AUTS2: variants seen among roughly 807,000 people sequenced by gnomAD.
The protein encoded by AUTS2 is autism susceptibility gene 2 protein.
Under a neutral mutation model 112.4 loss-of-function variants are expected in AUTS2, and 17 were observed. The ratio of observed to expected loss-of-function variants is 0.15; its 90% CI spans 0.10 to 0.23. The LOEUF (loss-of-function observed/expected upper bound fraction) is 0.23. AUTS2 is among the 10% of genes least tolerant of loss of function. The pLI is 1.00. For missense variants in AUTS2, 1,510 were observed against 1,701.6 expected (o/e 0.89, Z 1.98); for synonymous variants, 751 against 702.7 (o/e 1.07, Z -1.09).
chr7:70,665,330 C>T (rs989240308), intron 5 of AUTS2, among the ~76,000 whole-genome samples: 1 of 152,018 alleles, frequency 6.6e-6, no homozygotes, highest in Non-Finnish European at 1.5e-5. Flanking sequence ...GTGGTGTGAT[C>T]ATGGCTCACT....
At chr7:70,100,419 C>T (rs555348625) in intron 2 of AUTS2, among the ~76,000 whole-genome samples, 4 of 151,338 alleles carry the variant, frequency 2.6e-5, no homozygotes, top group Non-Finnish European at 4.4e-5. Flanking sequence ...AAAGCTATAA[C>T]GGTTGTACCA....
chr7:69,876,380 A>ATATG (rs1379313400), intron 1 of AUTS2, among the ~76,000 whole-genome samples: 1 of 112,108 alleles, frequency 8.9e-6, no homozygotes, highest in East Asian at 2.5e-4. Flanking sequence ...ATATATATAT[A>ATATG]TATGTATATA....
intron 2 of AUTS2, among the ~76,000 whole-genome samples, chr7:70,077,676 T>C (rs994038913): frequency 6.6e-6 from 1 of 152,232 alleles, no homozygotes; most frequent in Non-Finnish European, 1.5e-5. Flanking sequence ...GTGATGTAGA[T>C]GGAACGGCTC....
chr7:69,754,990 G>A lies in AUTS2; in HGVS notation c.310-144296G>A, dbSNP rs370044669. On this transcript the variant is annotated intron_variant, in intron 1 of 18. Transcript: ENST00000342771. Reference sequence around the variant, plus strand: ...TTGCATTAGCAAATAACTTTGTAAGGACTAGTCTGTTAATAGTGATCTCTT... The same window carrying A: ...TTGCATTAGCAAATAACTTTGTAAGAACTAGTCTGTTAATAGTGATCTCTT... 1.1e-3 allele frequency among the ~76,000 whole-genome samples: 168 copies of A among 152,306 alleles called. 5 individuals carry two copies. The highest frequency in any genetic ancestry group is 0.01 in the South Asian group (49 of 4,820).
At chr7:70,524,491 G>A (rs551484299) in intron 5 of AUTS2, among the ~76,000 whole-genome samples, 2 of 152,184 alleles carry the variant, frequency 1.3e-5, no homozygotes, top group African/African-American at 4.8e-5. Context: ...ATTAACTGGT[G>A]GAAGAGCTCT....
intron 1 of AUTS2, among the ~76,000 whole-genome samples, chr7:69,674,156 T>A (rs1796455589): frequency 6.6e-6 from 1 of 152,224 alleles, no homozygotes; most frequent in African/African-American, 2.4e-5. Flanking sequence ...AGTGCCATTT[T>A]GTCTCCCTGA....
intron 6 of AUTS2, among the ~76,000 whole-genome samples, chr7:70,753,903 TC>T (rs953242492): frequency 5.3e-5 from 8 of 152,038 alleles, no homozygotes; most frequent in Non-Finnish European, 1.0e-4. Context: ...ACGCCTGTAA[TC>T]CCCGCACTTT....
rs1360953670 is a variant in AUTS2, at chr7:70,698,586, T to A, written c.708T>A (p.Ser236=). ...DQEEKASDAS[S]EKLFNTVIVN... is the part of the protein sequence containing the mutation. ...TTTTTCAGGCATCAGATGCCAGCTCTGAAAAACTCTTCAACACTGTTATTG... is the reference window on the plus strand; with the variant it reads ...TTTTTCAGGCATCAGATGCCAGCTCAGAAAAACTCTTCAACACTGTTATTG... The change falls in exon 6 of 19, where the codon TCT becomes TCA. Residue 236 remains serine (S), a synonymous_variant. Transcript: ENST00000342771. 4 of 1,607,458 alleles carry A rather than the reference T, an allele frequency of 2.5e-6. No individual in the cohort carries two copies. The highest frequency in any genetic ancestry group is 3.4e-6 in the Non-Finnish European group (4 of 1,177,078).
intron 4 of AUTS2, among the ~76,000 whole-genome samples, chr7:70,162,758 C>T (rs1344679846): frequency 1.3e-5 from 2 of 152,042 alleles, no homozygotes; most frequent in Admixed American, 6.5e-5. Flanking sequence ...GAAAAATGTA[C>T]GAAGAAAATG....
intron 4 of AUTS2, among the ~76,000 whole-genome samples, chr7:70,207,027 A>C (rs979875427): frequency 1.3e-5 from 2 of 152,258 alleles, no homozygotes; most frequent in Non-Finnish European, 2.9e-5. Context: ...AGCTAGAAGA[A>C]TACAGTAATT....
chr7:70,522,713 C>T (rs1338203732), intron 5 of AUTS2, among the ~76,000 whole-genome samples: 2 of 152,194 alleles, frequency 1.3e-5, no homozygotes, highest in African/African-American at 2.4e-5. Flanking sequence ...TGTTGATGGG[C>T]ACCTAGGTTG....
chr7:70,138,079 AC>A (rs1342052954), intron 4 of AUTS2, among the ~76,000 whole-genome samples: 5 of 152,170 alleles, frequency 3.3e-5, no homozygotes, highest in African/African-American at 1.2e-4. Flanking sequence ...AGTTAAAGTT[AC>A]TTGTGTATTT....
chr7:70,560,611 T>C (rs748811879), intron 5 of AUTS2, among the ~76,000 whole-genome samples: 16 of 152,242 alleles, frequency 1.1e-4, no homozygotes, highest in Non-Finnish European at 2.2e-4. Flanking sequence ...TACACTTAGG[T>C]GCCAACTAGA....
chr7:70,602,317 G>A (rs140160500), intron 5 of AUTS2, among the ~76,000 whole-genome samples: 1 of 152,180 alleles, frequency 6.6e-6, no homozygotes, highest in East Asian at 1.9e-4. Context: ...AAGTGACTTG[G>A]CTAATGTCAC....
At chr7:70,126,518 T>G (rs990784239) in intron 3 of AUTS2, among the ~76,000 whole-genome samples, 1 of 152,144 alleles carries the variant, frequency 6.6e-6, no homozygotes, top group Non-Finnish European at 1.5e-5. Flanking sequence ...ATTGTCCACA[T>G]CAAGGAGACA....
At chr7:69,666,322 G>T (rs1373343401) in intron 1 of AUTS2, among the ~76,000 whole-genome samples, 8 of 152,132 alleles carry the variant, frequency 5.3e-5, no homozygotes, top group Admixed American at 3.9e-4. Context: ...TTAGGTAAGA[G>T]AACTATTGCC....
At chr7:70,763,731 T>C (rs1789724326) in intron 7 of AUTS2, among the ~76,000 whole-genome samples, 1 of 152,080 alleles carries the variant, frequency 6.6e-6, no homozygotes, top group African/African-American at 2.4e-5. Flanking sequence ...CTGCCTCTGA[T>C]GGAAGAAGTG....
At chr7:70,171,073 G>A (rs1325270158) in intron 4 of AUTS2, among the ~76,000 whole-genome samples, 1 of 152,178 alleles carries the variant, frequency 6.6e-6, no homozygotes, top group Non-Finnish European at 1.5e-5. Context: ...GCCAGGTTCT[G>A]TAGTTATTTG....
At chr7:70,085,622 C>T (rs1287245163) in intron 2 of AUTS2, among the ~76,000 whole-genome samples, 1 of 152,208 alleles carries the variant, frequency 6.6e-6, no homozygotes. Flanking sequence ...CTGCCTCGCC[C>T]TCCCAAAGAG....
Sources: allele counts gnomAD v4.1 joint callset (sites outside exome capture counted in the v4.1 genomes callset), GRCh38; gene constraint gnomAD v4.1.1; transcripts MANE v1.5; gene names NCBI Gene and HGNC (gene_info 2026-07-23, HGNC 2026-07-21).